FBXL20: variants seen among roughly 807,000 people sequenced by gnomAD.
FBXL20 encodes F-box/LRR-repeat protein 20.
Under a neutral mutation model 64.0 loss-of-function variants are expected in FBXL20, and 11 were observed. The observed-to-expected ratio is 0.17, with a 90% CI of 0.11 to 0.28. The LOEUF is 0.28. Ranked by LOEUF, FBXL20 falls within the 10% of genes least tolerant of loss-of-function variation. The pLI is 1.00. For missense variants in FBXL20, 303 were observed against 526.2 expected (o/e 0.58, Z 4.15); for synonymous variants, 184 against 189.0 (o/e 0.97, Z 0.22).
chr17:39,264,470 G>A (rs2046774629), intron 13 of FBXL20, 83 bp from the exon 14 acceptor site: 2 of 1,482,674 alleles, frequency 1.3e-6, no homozygotes, highest in South Asian at 1.2e-5. Context: ...TTGGAAAGGA[G>A]ACATTTTGGT....
chr17:39,301,211 C>G (rs2047131409), intron 3 of FBXL20, 136 bp from the exon 4 acceptor site: 1 of 682,264 alleles, frequency 1.5e-6, no homozygotes, highest in African/African-American at 1.8e-5. Flanking sequence ...CCACTTACTC[C>G]CAAATGATGT....
chr17:39,274,127 G>A (rs915353071), intron 10 of FBXL20, among the ~76,000 whole-genome samples: 3 of 152,134 alleles, frequency 2.0e-5, no homozygotes, highest in African/African-American at 4.8e-5. Flanking sequence ...TTCTAGCCTC[G>A]GTCTCCCTAA....
intron 2 of FBXL20, among the ~76,000 whole-genome samples, chr17:39,335,582 C>CAAAAAA (rs36023380): frequency 5.2e-5 from 4 of 77,346 alleles, no homozygotes; most frequent in South Asian, 4.9e-4. Flanking sequence ...GACTCCGTCT[C>CAAAAAA]AAAAAAAAAA....
intron 2 of FBXL20, among the ~76,000 whole-genome samples, chr17:39,335,036 G>A (rs1292722513): frequency 1.3e-5 from 2 of 151,874 alleles, no homozygotes; most frequent in Non-Finnish European, 2.9e-5. Flanking sequence ...TTAACTGCCT[G>A]TTTTTCCCTC....
chr17:39,330,356 G>A (rs1252034776), intron 2 of FBXL20, among the ~76,000 whole-genome samples: 3 of 151,986 alleles, frequency 2.0e-5, no homozygotes, highest in Non-Finnish European at 2.9e-5. Context: ...GCTCATGCCT[G>A]TAATCCCAGC....
intron 2 of FBXL20, among the ~76,000 whole-genome samples, chr17:39,313,218 T>C (rs1165786043): frequency 1.4e-5 from 2 of 141,446 alleles, no homozygotes; most frequent in Non-Finnish European, 3.1e-5. Flanking sequence ...TGCCCGGCCA[T>C]CTTTTTGTTT....
At chr17:39,281,239 C>G (rs923735060) in intron 9 of FBXL20, 150 bp downstream of exon 9, 2 of 671,118 alleles carry the variant, frequency 3.0e-6, no homozygotes, top group South Asian at 2.0e-5. Context: ...TTGTTAAGCA[C>G]GTCAAAAGTC....
At chr17:39,279,666 C>T (rs1225875232) in intron 9 of FBXL20, among the ~76,000 whole-genome samples, 1 of 152,072 alleles carries the variant, frequency 6.6e-6, no homozygotes, top group Non-Finnish European at 1.5e-5. Flanking sequence ...GAGGCCAAGC[C>T]AGGTGGATTG....
At chr17:39,274,526 GT>G (rs1334954640) in intron 10 of FBXL20, among the ~76,000 whole-genome samples, 8 of 152,068 alleles carry the variant, frequency 5.3e-5, no homozygotes, top group Admixed American at 5.2e-4. Flanking sequence ...AAATAAGACT[GT>G]TTTAAAAACC....
intron 2 of FBXL20, among the ~76,000 whole-genome samples, chr17:39,333,636 C>T (rs921652993): frequency 9.2e-5 from 14 of 151,926 alleles, no homozygotes; most frequent in Non-Finnish European, 1.3e-4. Context: ...ACCCTCTGCC[C>T]GGCTGCCCAG....
intron 2 of FBXL20, among the ~76,000 whole-genome samples, chr17:39,339,786 G>A (rs1316228886): frequency 6.6e-6 from 1 of 151,772 alleles, no homozygotes; most frequent in Admixed American, 6.6e-5. Context: ...TGGGACTACA[G>A]GCGCGCACCA....
chr17:39,361,242 C>T (rs1169336111), intron 1 of FBXL20, among the ~76,000 whole-genome samples: 2 of 151,900 alleles, frequency 1.3e-5, no homozygotes, highest in African/African-American at 4.8e-5. Flanking sequence ...CAGAGAAGAG[C>T]CATCAATCAG....
Position 39,268,795 on chromosome 17 carries a change from CT to C in FBXL20, c.933+31del, listed in dbSNP as rs755158816. On this transcript the variant is annotated intron_variant, in intron 12 of 14. Transcript: ENST00000264658. ...GTGTATTATCTAAGTGTCTACTATA[CT>C]GTATTTCTGAATTAAAATCTACAAT... 7.6e-6 allele frequency: 12 copies of C among 1,585,382 alleles called. No individual in the cohort carries two copies. The African/African-American group carries it at 1.6e-4, about 21-fold the overall frequency.
intron 1 of FBXL20, among the ~76,000 whole-genome samples, chr17:39,380,140 T>C (rs927587942): frequency 4.6e-5 from 7 of 152,106 alleles, no homozygotes; most frequent in Non-Finnish European, 1.0e-4. Context: ...GGTTACAACA[T>C]CACAGTCTAC....
intron 2 of FBXL20, among the ~76,000 whole-genome samples, chr17:39,307,348 C>G (rs2047192364): frequency 6.6e-6 from 1 of 151,996 alleles, no homozygotes; most frequent in South Asian, 2.1e-4. Context: ...GGAAAGCCTC[C>G]CCTAGGAGTA....
intron 1 of FBXL20, among the ~76,000 whole-genome samples, chr17:39,353,511 A>C (rs2047707818): frequency 6.6e-6 from 1 of 152,124 alleles, no homozygotes; most frequent in Non-Finnish European, 1.5e-5. Flanking sequence ...AAATCATAGT[A>C]TATATAGGGT....
In FBXL20 at chr17:39,312,914, G is replaced by C. The variant is rs1478201370; in HGVS notation, c.105-9275C>G. On this transcript the variant is annotated intron_variant, in intron 2 of 14. Coordinates refer to ENST00000264658, the MANE Select transcript of FBXL20 (RefSeq NM_032875.3). ...TTCCATATATTTGATAATGAAGATA[G>C]TTACTTTTTTTTTTTTTTTTTTGAG... is the stretch of plus-strand genomic sequence containing the variant. 2.5e-5 allele frequency among the ~76,000 whole-genome samples: 3 copies of C among 118,172 alleles called. No individual in the cohort carries two copies. In the East Asian group the frequency reaches 7.4e-4, roughly 29 times the overall value. The allele number at this position is 118,172 out of a possible 152,430, so 77.5% of individuals were successfully genotyped here. A position where few individuals can be genotyped will look rare whatever the true frequency, so the allele number is the denominator to read the frequency against.
rs117879773 is a variant in FBXL20, at chr17:39,298,461, G to A, written c.329+529C>T. Among the ~76,000 whole-genome samples the A allele has an allele frequency of 2.9e-3, 434 of 152,230 alleles. 2 individuals are homozygous for A. The Middle Eastern group carries it at 0.061, about 21-fold the overall frequency. On this transcript the variant is annotated intron_variant, in intron 5 of 14. Coordinates refer to ENST00000264658, the MANE Select transcript of FBXL20 (RefSeq NM_032875.3). ...AAGCTGGGTGCAGTGGCTCATGCCC[G>A]TAATTCCAGCACTTTGGGAGGCTGA...
At chr17:39,292,475 T>C (rs1289695152) in intron 6 of FBXL20, among the ~76,000 whole-genome samples, 6 of 151,942 alleles carry the variant, frequency 3.9e-5, no homozygotes, top group African/African-American at 1.5e-4. Flanking sequence ...TGCACTGCAG[T>C]CTCTAACTCC....
Sources: allele counts gnomAD v4.1 joint callset (sites outside exome capture counted in the v4.1 genomes callset), GRCh38; gene constraint gnomAD v4.1.1; transcripts MANE v1.5; gene names NCBI Gene and HGNC (gene_info 2026-07-23, HGNC 2026-07-21).